Variants in ATP10D observed in about 807,000 individuals in gnomAD.
ATP10D encodes the protein phospholipid-transporting ATPase VD.
A neutral mutation model predicts 144.8 loss-of-function variants in ATP10D; 89 were observed. The ratio of observed to expected loss-of-function variants is 0.61; its 90% CI spans 0.52 to 0.73. The LOEUF is 0.73. Ranked by LOEUF, ATP10D falls within the 30% of genes least tolerant of loss-of-function variation. ATP10D has a pLI of 0.00. For synonymous variants in ATP10D, 571 were observed against 615.1 expected, an observed-to-expected ratio of 0.93 and a Z score of 1.06; for missense variants, 1,603 against 1,714.8, an observed-to-expected ratio of 0.93 and a Z score of 1.15.
intron 6 of ATP10D, 62 bp downstream of exon 6, chr4:47,535,677 A>G (rs1717809189): frequency 1.3e-6 from 2 of 1,511,140 alleles, no homozygotes; most frequent in Non-Finnish European, 1.8e-6. Context: ...AACATTTTTC[A>G]TTTACTCAAA....
At chr4:47,508,160 C>T (rs528695411) in intron 1 of ATP10D, among the ~76,000 whole-genome samples, 3 of 152,168 alleles carry the variant, frequency 2.0e-5, no homozygotes, top group Non-Finnish European at 4.4e-5. Flanking sequence ...CGTTCATGAA[C>T]ATTGTTGGGA....
rs778562321 is a variant in ATP10D at position 47,512,786 on chromosome 4, A to G, written c.246A>G (p.Thr82=). ...ATCGAATACGAACAACAAAGTACACACTTCTGAATTTTGTGCCAAGAAATT... is the reference window on the plus strand; with the variant it reads ...ATCGAATACGAACAACAAAGTACACGCTTCTGAATTTTGTGCCAAGAAATT... ...VNNRIRTTKY[T]LLNFVPRNLF... is the part of the protein sequence containing the mutation. The change falls in exon 2 of 23, where the codon ACA becomes ACG. Residue 82 remains threonine (T), a synonymous_variant. Coordinates refer to ENST00000273859, the MANE Select transcript of ATP10D (RefSeq NM_020453.4). 36 of 1,604,386 alleles carry G rather than the reference A, an allele frequency of 2.2e-5. No homozygotes were observed. In the Middle Eastern group the frequency reaches 5.0e-4, roughly 22 times the overall value.
intron 5 of ATP10D, among the ~76,000 whole-genome samples, chr4:47,531,152 G>A (rs1219163284): frequency 1.3e-5 from 2 of 152,074 alleles, no homozygotes; most frequent in African/African-American, 2.4e-5. Flanking sequence ...TTTGTTGTTG[G>A]TAGGTCTTTT....
Position 47,568,963 on chromosome 4 carries a change from C to G in ATP10D, c.2980C>G (p.Arg994Gly). The change falls in exon 16 of 23, where the codon CGA becomes GGA. Residue 994 changes from arginine to glycine, a missense_variant. By Grantham distance (125) the Arg-to-Gly change is moderately radical. Coordinates refer to ENST00000273859, the MANE Select transcript of ATP10D (RefSeq NM_020453.4). ...QPPVPRDSGLRAGLIITGKTL... is the reference protein window; with the variant it reads ...QPPVPRDSGLGAGLIITGKTL... ...TCCTGTCCCCCGGGACTCAGGGTTA[C>G]GAGCTGGACTCATTATCACTGGGAA... The G allele has an allele frequency of 6.2e-7, 1 of 1,614,174 alleles. No individual in the cohort carries two copies. The highest frequency in any genetic ancestry group is 8.5e-7 in the Non-Finnish European group (1 of 1,180,046).
chr4:47,555,138 C>A (rs1560442062), intron 11 of ATP10D, among the ~76,000 whole-genome samples: 1 of 152,192 alleles, frequency 6.6e-6, no homozygotes, highest in Non-Finnish European at 1.5e-5. Flanking sequence ...CTGTTAGGAA[C>A]CAGTCTGCAC....
intron 1 of ATP10D, among the ~76,000 whole-genome samples, chr4:47,492,275 A>G (rs1251129780): frequency 6.6e-6 from 1 of 152,232 alleles, no homozygotes; most frequent in African/African-American, 2.4e-5. Flanking sequence ...TAAAGGGACA[A>G]CTGTGAATCT....
At chr4:47,568,618 A>G (rs752457896) in intron 15 of ATP10D, among the ~76,000 whole-genome samples, 4 of 152,222 alleles carry the variant, frequency 2.6e-5, no homozygotes, top group Non-Finnish European at 5.9e-5. Flanking sequence ...CTATTTCTTT[A>G]TAAGAAATAC....
intron 11 of ATP10D, among the ~76,000 whole-genome samples, chr4:47,556,138 G>A (rs1415043151): frequency 6.6e-6 from 1 of 152,170 alleles, no homozygotes; most frequent in Admixed American, 6.5e-5. Flanking sequence ...CTTGTTTAAC[G>A]GGCTGGTGAT....
Position 47,557,759 on chromosome 4 carries a change from A to G in ATP10D, c.1920A>G (p.Pro640=). The G allele has an allele frequency of 6.2e-7, 1 of 1,614,218 alleles. No individual in the cohort carries two copies. The highest frequency in any genetic ancestry group is 8.5e-7 in the Non-Finnish European group (1 of 1,180,034). Residue 640 remains proline (P), a synonymous_variant, in exon 12 of 23, where the codon CCA becomes CCG. Transcript: ENST00000273859. ...GGTCTGTCCGAAGATCAAGTTCTCC[A>G]TCGCTTAACAGTGGGAAAGAGCCAT... The part of the protein sequence containing the change: ...QRWSVRRSSS[P]SLNSGKEPSS...
intron 17 of ATP10D, 134 bp from the exon 18 acceptor site, chr4:47,572,738 T>A: frequency 1.7e-6 from 2 of 1,179,416 alleles, no homozygotes; most frequent in Non-Finnish European, 1.2e-6. Flanking sequence ...AAAACTGATT[T>A]TCATTCATGT....
At chr4:47,497,424 C>G (rs1462156193) in intron 1 of ATP10D, among the ~76,000 whole-genome samples, 1 of 152,018 alleles carries the variant, frequency 6.6e-6, no homozygotes, top group Non-Finnish European at 1.5e-5. Flanking sequence ...CGTTGCACTC[C>G]AGCCTGGACA....
intron 1 of ATP10D, among the ~76,000 whole-genome samples, chr4:47,495,664 C>T (rs1202690413): frequency 6.6e-6 from 1 of 151,574 alleles, no homozygotes; most frequent in South Asian, 2.1e-4. Context: ...TACTTGTATA[C>T]AGGTCTAAAT....
chr4:47,513,138 G>A (rs113428872), intron 2 of ATP10D, among the ~76,000 whole-genome samples: 2 of 152,298 alleles, frequency 1.3e-5, no homozygotes, highest in South Asian at 2.1e-4. Context: ...CTGCCTCTGG[G>A]GGTCTTCTTA....
At chr4:47,581,238 G>C (rs891441202) in intron 20 of ATP10D, among the ~76,000 whole-genome samples, 1 of 152,128 alleles carries the variant, frequency 6.6e-6, no homozygotes, top group Admixed American at 6.5e-5. Flanking sequence ...AGCAAAAAAA[G>C]TATAAACTTT....
rs113742232 is a variant in ATP10D, at chr4:47,568,308, G to C, written c.2854-529G>C. On this transcript the variant is annotated intron_variant, in intron 15 of 22. Coordinates refer to ENST00000273859, the MANE Select transcript of ATP10D (RefSeq NM_020453.4). ...CTAATATATAGTTTCTCATTAAATAGTTAGTGAGTGAATGAATACGTTGAA... is the reference window on the plus strand; with the variant it reads ...CTAATATATAGTTTCTCATTAAATACTTAGTGAGTGAATGAATACGTTGAA... 7.2e-5 allele frequency among the ~76,000 whole-genome samples: 11 copies of C among 152,292 alleles called. 2 individuals are homozygous for C. Among genetic ancestry groups the C allele is most frequent in the African/African-American group, 2.4e-4 (10 of 41,546 alleles).
At chr4:47,489,488 T>C (rs1714963885) in intron 1 of ATP10D, among the ~76,000 whole-genome samples, 1 of 152,190 alleles carries the variant, frequency 6.6e-6, no homozygotes, top group African/African-American at 2.4e-5. Flanking sequence ...ATAGTTGATT[T>C]GTATTTTTCT....
chr4:47,563,686 A>C lies in ATP10D; in HGVS notation c.2774A>C (p.Glu925Ala), dbSNP rs762188924. ...TGGATGCTGACAGGGGACAAGCAGG[A>C]GACAGCTGTCAACATAGCTTATGCA... The part of the protein sequence containing the change: ...KIWMLTGDKQ[E>A]TAVNIAYACK... The change falls in exon 15 of 23, where the codon GAG becomes GCG. Residue 925 changes from glutamate to alanine, a missense_variant. Coordinates refer to ENST00000273859, the MANE Select transcript of ATP10D (RefSeq NM_020453.4). 5 of 1,613,948 alleles carry C rather than the reference A, an allele frequency of 3.1e-6. No homozygotes were observed. In the East Asian group the frequency reaches 1.1e-4, roughly 36 times the overall value.
chr4:47,531,194 G>A (rs1229164487), intron 5 of ATP10D, among the ~76,000 whole-genome samples: 4 of 152,070 alleles, frequency 2.6e-5, no homozygotes, highest in African/African-American at 7.2e-5. Flanking sequence ...CTTGTTATTG[G>A]TCTGTTCAGG....
At chr4:47,515,357 T>G in intron 2 of ATP10D, 119 bp from the exon 3 acceptor site, 1 of 737,316 alleles carries the variant, frequency 1.4e-6, no homozygotes, top group Non-Finnish European at 2.2e-6. Context: ...TAGTTCTATA[T>G]TCTGTAACAT....
Sources: gnomAD v4.1 joint callset for allele counts (sites outside exome capture counted in the v4.1 genomes callset) on GRCh38, gnomAD v4.1.1 for gene constraint, MANE v1.5 for transcripts, NCBI Gene and HGNC (gene_info 2026-07-23, HGNC 2026-07-21) for gene names.